The following NLRP1 variants were observed in gnomAD, a reference collection of about 807,000 sequenced individuals.
NLRP1 encodes the protein NLR family pyrin domain containing 1, also known as NACHT, LRR and PYD domains-containing protein 1.
In NLRP1, 94 loss-of-function variants were observed where a neutral mutation model predicts 136.7. The observed-to-expected ratio is 0.69, with a 90% CI of 0.58 to 0.82. The LOEUF (loss-of-function observed/expected upper bound fraction) is 0.82. NLRP1 is among the 40% of genes least tolerant of loss of function. The pLI is 0.00. For synonymous variants in NLRP1, 690 were observed against 725.1 expected (o/e 0.95, Z 0.78); for missense variants, 1,575 against 1,802.7 (o/e 0.87, Z 2.29).
rs1196739756 is a variant in NLRP1, at chr17:5,541,911, G to C, written c.2645C>G (p.Ala882Gly). 6.2e-7 allele frequency: 1 copy of C among 1,613,886 alleles called. No individual in the cohort carries two copies. Among genetic ancestry groups the C allele is most frequent in the Non-Finnish European group, 8.5e-7 (1 of 1,180,040 alleles). ...LSFNVLTDAG[A>G]KHLCQRLRQP... ...TCTCAGTCTCTGGCAAAGGTGTTTG[G>C]CTCCAGCATCCGTGAGCACATTGAA... Residue 882 changes from alanine (A) to glycine (G), a missense_variant, in exon 6 of 17, where the codon GCC (alanine) becomes GGC (glycine). Coordinates refer to ENST00000572272, the MANE Select transcript of NLRP1 (RefSeq NM_033004.4). The surrounding 1 kb of genome is among the most constrained non-coding windows in gnomAD (Gnocchi z 4.2).
At chr17:5,545,156 A>G (rs1912409571) in intron 5 of NLRP1, among the ~76,000 whole-genome samples, 1 of 152,098 alleles carries the variant, frequency 6.6e-6, no homozygotes, top group Non-Finnish European at 1.5e-5. Flanking sequence ...TTAAACACAC[A>G]TCCTGGCAAG....
intron 12 of NLRP1, among the ~76,000 whole-genome samples, chr17:5,527,829 A>C (rs1358293581): frequency 6.6e-6 from 1 of 152,200 alleles, no homozygotes; most frequent in Non-Finnish European, 1.5e-5. Context: ...AGGGTCACCC[A>C]ATTCCTTGGA....
intron 3 of NLRP1, among the ~76,000 whole-genome samples, chr17:5,560,810 T>A (rs759742036): frequency 1.3e-4 from 20 of 152,094 alleles, no homozygotes; most frequent in Non-Finnish European, 2.2e-4. Context: ...AGAAATCACC[T>A]CCCCAGTAAG....
intron 1 of NLRP1, 23 bp from the exon 2 acceptor site, chr17:5,582,869 T>G: frequency 3.2e-6 from 5 of 1,578,032 alleles, no homozygotes; most frequent in Non-Finnish European, 4.3e-6. Flanking sequence ...GACAAAGAGG[T>G]TGGAGACACA....
chr17:5,517,685 TCC>T, intron 15 of NLRP1, 59 bp downstream of exon 15: 1 of 1,590,186 alleles, frequency 6.3e-7, no homozygotes, highest in Non-Finnish European at 8.6e-7. Context: ...TGTGCCCAGC[TCC>T]TTCATTGATT....
rs765969191 is a variant in NLRP1 at position 5,553,545 on chromosome 17, A to G, written c.2369T>C (p.Val790Ala). ...CTGCCAATAGGCATCTGTGACTGGG[A>G]CCCACCTGAACCTGAGGGGGAGAGA... is the stretch of plus-strand genomic sequence containing the variant. The part of the protein sequence containing the change: ...SPTMVVLFRW[V>A]PVTDAYWQIL... The change falls in exon 5 of 17, where the codon GTC (valine) becomes GCC (alanine). Residue 790 changes from valine to alanine, a missense_variant. By Grantham distance (64) the Val-to-Ala change is moderately conservative (BLOSUM62 0). Coordinates refer to ENST00000572272, the MANE Select transcript of NLRP1 (RefSeq NM_033004.4). 1.4e-5 allele frequency: 23 copies of G among 1,613,638 alleles called. No homozygotes were observed. The East Asian group carries it at 5.1e-4, about 36-fold the overall frequency.
Position 5,539,564 on chromosome 17 carries a change from C to T in NLRP1, c.2721G>A (p.Thr907=), listed in dbSNP as rs200768469. The change falls in exon 7 of 17, where the codon ACG becomes ACA. Residue 907 remains threonine, a synonymous_variant. Transcript: ENST00000572272. ...AGGCCAGGTCCTGGCAGCAGTCAGA[C>T]GTGAGGCCACAGCTGACCAGCCTGC... ...QRLQLVSCGL[T]SDCCQDLASV... The T allele has an allele frequency of 3.7e-6, 6 of 1,612,102 alleles. No homozygotes were observed. Among genetic ancestry groups the T allele is most frequent in the South Asian group, 2.2e-5 (2 of 90,838 alleles).
At chr17:5,506,161 G>A (rs1173216433) in intron 15 of NLRP1, among the ~76,000 whole-genome samples, 3 of 151,890 alleles carry the variant, frequency 2.0e-5, no homozygotes, top group Non-Finnish European at 4.4e-5. Flanking sequence ...GTGGGCGCCT[G>A]TAATCACGGC....
intron 5 of NLRP1, among the ~76,000 whole-genome samples, chr17:5,546,953 C>A (rs989993420): frequency 2.0e-5 from 3 of 152,040 alleles, no homozygotes; most frequent in Non-Finnish European, 4.4e-5. Flanking sequence ...CCCAGTGAGC[C>A]AGAATTAATC....
intron 14 of NLRP1, among the ~76,000 whole-genome samples, chr17:5,520,004 A>G (rs11657158): frequency 0.12 from 17,837 of 151,196 alleles, 1,896 homozygotes; most frequent in East Asian, 0.57. Flanking sequence ...TTACAGGCAT[A>G]CACCACCACA....
chr17:5,560,883 T>C (rs950780547), intron 3 of NLRP1, among the ~76,000 whole-genome samples: 3 of 152,222 alleles, frequency 2.0e-5, no homozygotes, highest in African/African-American at 4.8e-5. Context: ...TGATGGAAGA[T>C]ACCTCATGAC....
At chr17:5,582,918 G>T (rs945785943) in intron 1 of NLRP1, 72 bp from the exon 2 acceptor site, 1 of 1,265,872 alleles carries the variant, frequency 7.9e-7, no homozygotes, top group Non-Finnish European at 1.1e-6. Flanking sequence ...AACTGAGCTG[G>T]TCTCCTCTCT....
intron 15 of NLRP1, among the ~76,000 whole-genome samples, chr17:5,517,093 G>A (rs530787674): frequency 1.3e-5 from 2 of 152,224 alleles, no homozygotes; most frequent in East Asian, 3.9e-4. Context: ...TGACTATCTA[G>A]GTCTTATTCT....
chr17:5,572,284 A>G (rs1190653790), intron 3 of NLRP1, among the ~76,000 whole-genome samples: 1 of 152,222 alleles, frequency 6.6e-6, no homozygotes, highest in Non-Finnish European at 1.5e-5. Flanking sequence ...CTGCACAGCA[A>G]AAGAAACTAC....
At chr17:5,544,420 T>C (rs1912290541) in intron 5 of NLRP1, among the ~76,000 whole-genome samples, 1 of 152,172 alleles carries the variant, frequency 6.6e-6, no homozygotes, top group African/African-American at 2.4e-5. Flanking sequence ...GCTGGGGTGG[T>C]GGCCCATGGG....
In NLRP1 at chr17:5,558,716, A is replaced by C. The variant is rs200051740; in HGVS notation, c.1980T>G (p.Tyr660Ter). The C allele has an allele frequency of 1.9e-6, 3 of 1,614,200 alleles. No homozygotes were observed. Among genetic ancestry groups the C allele is most frequent in the Non-Finnish European group, 2.5e-6 (3 of 1,180,038 alleles). ...ATGCCCCAAACAGGCCATGTATTCCATATGCTTCTAGCGTCTTTTCCAAAT... is the reference window on the plus strand; with the variant it reads ...ATGCCCCAAACAGGCCATGTATTCCCTATGCTTCTAGCGTCTTTTCCAAAT... ...IIDLEKTLEA[Y>*]GIHGLFGAST... The change falls in exon 4 of 17, where the codon TAT (tyrosine) becomes TAG (stop). Residue 660 changes from tyrosine (Y) to a stop codon, truncating the protein, a stop_gained. Transcript: ENST00000572272. LOFTEE classifies it high-confidence loss of function.
chr17:5,528,003 G>C lies in NLRP1; in HGVS notation c.3520+2478C>G, dbSNP rs77933546. ...GCAGACTTTGTCCCCTCGGGCCCTG[G>C]TGGTACATTCTGGCTCCAGACCTTA... On this transcript the variant is annotated intron_variant, in intron 12 of 16. Coordinates refer to ENST00000572272, the MANE Select transcript of NLRP1 (RefSeq NM_033004.4). Among the ~76,000 whole-genome samples, 10 of 152,340 alleles carry C rather than the reference G, an allele frequency of 6.6e-5. No homozygotes were observed. In the East Asian group the frequency reaches 1.7e-3, roughly 26 times the overall value.
At chr17:5,562,684 A>G (rs1914893801) in intron 3 of NLRP1, among the ~76,000 whole-genome samples, 1 of 152,204 alleles carries the variant, frequency 6.6e-6, no homozygotes, top group African/African-American at 2.4e-5. Context: ...CCCAAAATAC[A>G]ACACCAAAAT....
chr17:5,517,088 A>G (rs989335129), intron 15 of NLRP1, among the ~76,000 whole-genome samples: 14 of 152,172 alleles, frequency 9.2e-5, no homozygotes, highest in African/African-American at 3.4e-4. Flanking sequence ...CCATATGACT[A>G]TCTAGGTCTT....
Sources: allele counts gnomAD v4.1 joint callset (sites outside exome capture counted in the v4.1 genomes callset), GRCh38; gene constraint gnomAD v4.1.1; non-coding constraint Gnocchi (gnomAD v3.1); transcripts MANE v1.5; gene names NCBI Gene and HGNC (gene_info 2026-07-23, HGNC 2026-07-21).